Variants in NAALADL2 observed in about 807,000 individuals in gnomAD.
The protein encoded by NAALADL2 is N-acetylated alpha-linked acidic dipeptidase like 2.
Under a neutral mutation model 87.2 loss-of-function variants are expected in NAALADL2, and 76 were observed. That is an observed-to-expected ratio of 0.87 (90% CI 0.72 to 1.05). The LOEUF (loss-of-function observed/expected upper bound fraction) is 1.05, where lower values mean the gene tolerates loss of function less well. Ranked by LOEUF, NAALADL2 falls within the 50% of genes least tolerant of loss-of-function variation. The pLI is 0.00. For missense variants in NAALADL2, 1,089 were observed against 945.8 expected (o/e 1.15, Z -1.99); for synonymous variants, 354 against 331.0 (o/e 1.07, Z -0.75).
chr3:175,111,908 C>G (rs1219884009), intron 2 of NAALADL2, among the ~76,000 whole-genome samples: 1 of 151,622 alleles, frequency 6.6e-6, no homozygotes, highest in African/African-American at 2.4e-5. Context: ...AGACTTGAAA[C>G]TGGTCTGCCT....
At chr3:174,832,746 G>A (rs1389079415) in intron 3 of NAALADL2, among the ~76,000 whole-genome samples, 1 of 152,066 alleles carries the variant, frequency 6.6e-6, no homozygotes, top group Non-Finnish European at 1.5e-5. Flanking sequence ...GATTACAGGC[G>A]TGAGCCACTG....
chr3:175,608,800 C>T (rs551363267), intron 10 of NAALADL2, among the ~76,000 whole-genome samples: 1 of 152,066 alleles, frequency 6.6e-6, no homozygotes, highest in Non-Finnish European at 1.5e-5. Context: ...AAATTGCTTC[C>T]GAGTGGTATC....
chr3:174,960,887 A>G (rs1741875535), intron 1 of NAALADL2, among the ~76,000 whole-genome samples: 1 of 151,628 alleles, frequency 6.6e-6, no homozygotes, highest in African/African-American at 2.4e-5. Context: ...ACACAAAAAA[A>G]TTTGCTGTGT....
chr3:175,185,573 A>C (rs1195046701), intron 2 of NAALADL2, among the ~76,000 whole-genome samples: 1 of 151,876 alleles, frequency 6.6e-6, no homozygotes, highest in Admixed American at 6.6e-5. Flanking sequence ...AGATATGTAC[A>C]TATGCATAAA....
chr3:174,784,361 G>A (rs780291859), intron 3 of NAALADL2, among the ~76,000 whole-genome samples: 42 of 152,050 alleles, frequency 2.8e-4, no homozygotes, highest in Non-Finnish European at 5.3e-4. Flanking sequence ...GCGAGTCTTT[G>A]CAGTACAGCT....
intron 10 of NAALADL2, among the ~76,000 whole-genome samples, chr3:175,597,409 A>G (rs4543022): frequency 0.055 from 8,301 of 152,076 alleles, 735 homozygotes; most frequent in African/African-American, 0.19. Flanking sequence ...ATGAATTTGT[A>G]GAAGTGTGGT....
chr3:175,116,239 G>A (rs1423246185), intron 2 of NAALADL2, among the ~76,000 whole-genome samples: 1 of 151,804 alleles, frequency 6.6e-6, no homozygotes, highest in African/African-American at 2.4e-5. Context: ...CCAGGGCAAT[G>A]AGGCAAGAGA....
intron 10 of NAALADL2, among the ~76,000 whole-genome samples, chr3:175,615,783 G>A (rs1453102337): frequency 1.3e-5 from 2 of 151,348 alleles, no homozygotes; most frequent in African/African-American, 4.9e-5. Context: ...CTTGAACTCA[G>A]GATGCGGTGG....
At chr3:175,019,382 T>C (rs1460490974) in intron 1 of NAALADL2, among the ~76,000 whole-genome samples, 1 of 152,094 alleles carries the variant, frequency 6.6e-6, no homozygotes, top group Non-Finnish European at 1.5e-5. Flanking sequence ...TTATTTTTAT[T>C]GTCAGCAGCT....
At chr3:175,126,695 A>G (rs1373147509) in intron 2 of NAALADL2, among the ~76,000 whole-genome samples, 1 of 152,128 alleles carries the variant, frequency 6.6e-6, no homozygotes, top group Non-Finnish European at 1.5e-5. Context: ...TTCATCAAAG[A>G]GAATGTATTT....
chr3:174,587,862 G>A (rs925438671), intron 2 of NAALADL2, among the ~76,000 whole-genome samples: 2 of 152,070 alleles, frequency 1.3e-5, no homozygotes, highest in African/African-American at 4.8e-5. Flanking sequence ...TCTTGGAGTT[G>A]CTCTTCTTGA....
At chr3:175,388,884 A>C (rs550030823) in intron 5 of NAALADL2, among the ~76,000 whole-genome samples, 2 of 152,282 alleles carry the variant, frequency 1.3e-5, no homozygotes, top group Admixed American at 6.5e-5. Context: ...TCATCAACTT[A>C]TCTAAAGTTT....
intron 5 of NAALADL2, among the ~76,000 whole-genome samples, chr3:175,417,301 G>A (rs554198097): frequency 6.6e-6 from 1 of 151,578 alleles, no homozygotes; most frequent in Non-Finnish European, 1.5e-5. Flanking sequence ...TTCTCAAAGT[G>A]GACATAATTA....
intron 7 of NAALADL2, among the ~76,000 whole-genome samples, chr3:175,465,161 A>T (rs1400207890): frequency 6.6e-6 from 1 of 151,354 alleles, no homozygotes; most frequent in Non-Finnish European, 1.5e-5. Context: ...CTGAGGCAGG[A>T]GAATGGCGTG....
intron 3 of NAALADL2, among the ~76,000 whole-genome samples, chr3:175,245,138 A>AT (rs1211329312): frequency 2.6e-5 from 4 of 152,006 alleles, no homozygotes; most frequent in African/African-American, 9.7e-5. Context: ...TAAAATATAT[A>AT]TTTTTGCTTT....
At chr3:175,659,262 T>C (rs564347265) in intron 11 of NAALADL2, among the ~76,000 whole-genome samples, 1 of 152,318 alleles carries the variant, frequency 6.6e-6, no homozygotes, top group Non-Finnish European at 1.5e-5. Flanking sequence ...GAATTTCATG[T>C]GAATACAAAG....
chr3:174,688,548 G>T (rs763117387), intron 2 of NAALADL2, among the ~76,000 whole-genome samples: 14 of 152,010 alleles, frequency 9.2e-5, no homozygotes, highest in South Asian at 2.1e-4. Flanking sequence ...CATATAGAAA[G>T]CAGTATCTTT....
At chr3:175,232,891 C>T (rs767144954) in intron 2 of NAALADL2, among the ~76,000 whole-genome samples, 9 of 90,090 alleles carry the variant, frequency 1.0e-4, no homozygotes, top group Non-Finnish European at 1.8e-4. Flanking sequence ...ATATTTCAGC[C>T]ACAAAATTAA....
chr3:174,580,185 T>C (rs1029091569), intron 2 of NAALADL2, among the ~76,000 whole-genome samples: 1 of 152,088 alleles, frequency 6.6e-6, no homozygotes, highest in Non-Finnish European at 1.5e-5. Flanking sequence ...AAGGGTCATT[T>C]GACATAAAAC....
Sources: allele counts gnomAD v4.1 joint callset (sites outside exome capture counted in the v4.1 genomes callset), GRCh38; gene constraint gnomAD v4.1.1; transcripts MANE v1.5; gene names NCBI Gene and HGNC (gene_info 2026-07-23, HGNC 2026-07-21).